The following CHSY3 variants were observed in gnomAD, a reference collection of about 807,000 sequenced individuals.
CHSY3 encodes the protein N-acetylgalactosaminyl-proteoglycan 3-beta-glucuronosyltransferase 3.
Under a neutral mutation model 67.2 loss-of-function variants are expected in CHSY3, and 35 were observed. The observed-to-expected ratio is 0.52, with a 90% CI of 0.40 to 0.69. The LOEUF (loss-of-function observed/expected upper bound fraction) is 0.69, where lower values mean the gene tolerates loss of function less well. Ranked by LOEUF, CHSY3 falls within the 30% of genes least tolerant of loss-of-function variation. The pLI is 0.00. For synonymous variants in CHSY3, 474 were observed against 434.7 expected (o/e 1.09, Z -1.12); for missense variants, 1,069 against 1,138.5 (o/e 0.94, Z 0.88).
Position 130,184,162 on chromosome 5 carries a change from A to T in CHSY3, c.1087-67A>T. Reference sequence around the variant, plus strand: ...CATTTTCATTTAGATGCTTTAGTTTATCGCTGGTTTTCTTTTTAGATAAAT... The same window carrying T: ...CATTTTCATTTAGATGCTTTAGTTTTTCGCTGGTTTTCTTTTTAGATAAAT... On this transcript the variant is annotated intron_variant, in intron 2 of 2. Coordinates refer to ENST00000305031, the MANE Select transcript of CHSY3 (RefSeq NM_175856.5). 3 of 1,348,702 alleles carry T rather than the reference A, an allele frequency of 2.2e-6. No individual in the cohort carries two copies. In the East Asian group the frequency reaches 8.0e-5, roughly 36 times the overall value. 83.5% of individuals were successfully genotyped at this position (1,348,702 alleles called of 1,614,324 possible). A position where few individuals can be genotyped will look rare whatever the true frequency, so the allele number is the denominator to read the frequency against.
At chr5:130,048,739 CT>C (rs1039806875) in intron 2 of CHSY3, among the ~76,000 whole-genome samples, 9 of 152,050 alleles carry the variant, frequency 5.9e-5, no homozygotes, top group Middle Eastern at 3.4e-3. Context: ...AAGTTCTTCT[CT>C]TTCCCCAGTC....
At position 129,908,357 on chromosome 5, in the gene CHSY3, C is replaced by G. The variant is rs1315391165; in HGVS notation, c.1083C>G (p.Tyr361Ter). The change falls in exon 2 of 3, where the codon TAC (tyrosine) becomes TAG (stop). Residue 361 changes from tyrosine to a stop codon, truncating the protein, a stop_gained. Transcript: ENST00000305031. LOFTEE classifies it low-confidence loss of function (END_TRUNC). Reference sequence around the variant, plus strand: ...GTGGGACTCAGTGTGTCTGGTCTTACGAGGTAAGCATGGAGCTGTGATGAA... The same window carrying G: ...GTGGGACTCAGTGTGTCTGGTCTTAGGAGGTAAGCATGGAGCTGTGATGAA... ...RFGGTQCVWS[Y>*]EMQQLFHENY... The G allele has an allele frequency of 6.2e-7, 1 of 1,613,720 alleles. No homozygotes were observed. Among genetic ancestry groups the G allele is most frequent in the East Asian group, 2.2e-5 (1 of 44,878 alleles).
chr5:130,047,243 A>G (rs1233677352), intron 2 of CHSY3, among the ~76,000 whole-genome samples: 1 of 152,058 alleles, frequency 6.6e-6, no homozygotes, highest in Non-Finnish European at 1.5e-5. Context: ...AATGACTTTA[A>G]CTCAGCTCAC....
intron 2 of CHSY3, among the ~76,000 whole-genome samples, chr5:130,040,330 G>T (rs1188080363): frequency 6.6e-6 from 1 of 152,132 alleles, no homozygotes; most frequent in Non-Finnish European, 1.5e-5. Flanking sequence ...GTCCAGCCGT[G>T]AGCTTCCAGA....
At chr5:129,929,581 A>G (rs550948950) in intron 2 of CHSY3, among the ~76,000 whole-genome samples, 2 of 152,294 alleles carry the variant, frequency 1.3e-5, no homozygotes, top group East Asian at 1.9e-4. Flanking sequence ...TAGAATGAAG[A>G]TTTCTCATTT....
At chr5:130,122,879 A>G (rs962224266) in intron 2 of CHSY3, among the ~76,000 whole-genome samples, 2 of 152,204 alleles carry the variant, frequency 1.3e-5, no homozygotes, top group Non-Finnish European at 2.9e-5. Flanking sequence ...TAAAATAGGG[A>G]GTCCATTTCT....
At chr5:129,964,024 T>C (rs369203200) in intron 2 of CHSY3, among the ~76,000 whole-genome samples, 3 of 152,064 alleles carry the variant, frequency 2.0e-5, no homozygotes, top group East Asian at 3.9e-4. Context: ...TAGGATGGTA[T>C]ATTGCCAGTC....
intron 2 of CHSY3, among the ~76,000 whole-genome samples, chr5:130,022,034 A>G (rs1292252523): frequency 1.3e-5 from 2 of 152,064 alleles, no homozygotes; most frequent in African/African-American, 2.4e-5. Flanking sequence ...ATTTGCTGGG[A>G]AGGTAGATTA....
chr5:130,034,145 A>C (rs185530920), intron 2 of CHSY3, among the ~76,000 whole-genome samples: 5 of 152,212 alleles, frequency 3.3e-5, no homozygotes, highest in Admixed American at 2.0e-4. Context: ...AAATAGGACA[A>C]ATATTAATTG....
intron 2 of CHSY3, among the ~76,000 whole-genome samples, chr5:130,103,028 G>GA (rs957041159): frequency 2.1e-4 from 32 of 150,260 alleles, no homozygotes; most frequent in African/African-American, 3.2e-4. Flanking sequence ...CAGCTAAAAA[G>GA]AAAAAAAAAT....
intron 2 of CHSY3, among the ~76,000 whole-genome samples, chr5:130,034,109 C>T (rs898477128): frequency 6.6e-6 from 1 of 152,030 alleles, no homozygotes; most frequent in Non-Finnish European, 1.5e-5. Flanking sequence ...TGTTTGTTTG[C>T]AAGTTGTTTT....
intron 2 of CHSY3, among the ~76,000 whole-genome samples, chr5:129,963,092 T>C (rs1762380580): frequency 6.6e-6 from 1 of 151,784 alleles, no homozygotes; most frequent in African/African-American, 2.4e-5. Flanking sequence ...GTAATCGGTC[T>C]AGCAAAACTA....
At position 130,111,358 on chromosome 5, in the gene CHSY3, T is replaced by C. The variant is rs1580742823; in HGVS notation, c.1087-72871T>C. 2.6e-5 allele frequency among the ~76,000 whole-genome samples: 4 copies of C among 152,254 alleles called. No homozygotes were observed. The South Asian group carries it at 8.3e-4, about 32-fold the overall frequency. On this transcript the variant is annotated intron_variant, in intron 2 of 2. Coordinates refer to ENST00000305031, the MANE Select transcript of CHSY3 (RefSeq NM_175856.5). ...ACATTGATGGTGGATTATCTGAAAC[T>C]ATATATTTTATGACCCTGAATATAT... is the stretch of plus-strand genomic sequence containing the variant.
intron 2 of CHSY3, among the ~76,000 whole-genome samples, chr5:129,923,994 A>G (rs1211169090): frequency 6.6e-6 from 1 of 152,216 alleles, no homozygotes; most frequent in East Asian, 1.9e-4. Flanking sequence ...AAATTAAAAA[A>G]TAAATTGTAT....
intron 2 of CHSY3, among the ~76,000 whole-genome samples, chr5:130,161,503 A>G (rs1454642281): frequency 6.6e-6 from 1 of 152,180 alleles, no homozygotes; most frequent in African/African-American, 2.4e-5. Context: ...CTGGAATTGC[A>G]TTCTATTTAA....
Position 130,185,418 on chromosome 5 carries a change from A to G in CHSY3, c.2276A>G (p.Asn759Ser), listed in dbSNP as rs986772372. 3.1e-6 allele frequency: 5 copies of G among 1,613,632 alleles called. No individual in the cohort carries two copies. Among genetic ancestry groups the G allele is most frequent in the South Asian group, 1.1e-5 (1 of 91,086 alleles). Reference sequence around the variant, plus strand: ...GACCCAAAGGTAACAAACGGGGGAAATCCTCCCACTGATGATTACTTCATA... The same window carrying G: ...GACCCAAAGGTAACAAACGGGGGAAGTCCTCCCACTGATGATTACTTCATA... ...QYDPKVTNGG[N>S]PPTDDYFIFS... is the part of the protein sequence containing the mutation. The change falls in exon 3 of 3, where the codon AAT becomes AGT. Residue 759 changes from asparagine to serine, a missense_variant. This residue lies in a region of CHSY3 where 139 missense variants were observed against 152.8 expected (regional missense o/e 0.91). Transcript: ENST00000305031.
At chr5:129,924,891 A>C (rs1761050468) in intron 2 of CHSY3, among the ~76,000 whole-genome samples, 1 of 152,154 alleles carries the variant, frequency 6.6e-6, no homozygotes, top group Admixed American at 6.5e-5. Context: ...AAGAGGAGCA[A>C]ATTCCTCAAA....
chr5:130,163,204 G>T (rs1769611706), intron 2 of CHSY3, among the ~76,000 whole-genome samples: 1 of 152,116 alleles, frequency 6.6e-6, no homozygotes, highest in African/African-American at 2.4e-5. Context: ...AAAGCTATTA[G>T]TGAGATACAT....
intron 2 of CHSY3, among the ~76,000 whole-genome samples, chr5:130,062,752 T>A (rs1281616984): frequency 6.6e-6 from 1 of 151,804 alleles, no homozygotes; most frequent in Non-Finnish European, 1.5e-5. Flanking sequence ...AATTTGCATA[T>A]TTGCCAGAGT....
Sources: allele counts gnomAD v4.1 joint callset (sites outside exome capture counted in the v4.1 genomes callset), GRCh38; gene constraint gnomAD v4.1.1; regional missense constraint gnomAD v4.1.1; transcripts MANE v1.5; gene names NCBI Gene and HGNC (gene_info 2026-07-23, HGNC 2026-07-21).